Variants in JAKMIP1 observed in about 807,000 individuals in gnomAD.
JAKMIP1 encodes janus kinase and microtubule interacting protein 1.
A neutral mutation model predicts 113.0 loss-of-function variants in JAKMIP1; 33 were observed. That is an observed-to-expected ratio of 0.29 (90% CI 0.22 to 0.39). The LOEUF is 0.39. Ranked by LOEUF, JAKMIP1 falls within the 10% of genes least tolerant of loss-of-function variation. The probability of loss-of-function intolerance (pLI) is 1.00; values close to 1 mark genes in which losing one functional copy is unlikely to be tolerated. For missense variants in JAKMIP1, 813 were observed against 1,080.5 expected (o/e 0.75, Z 3.47); for synonymous variants, 480 against 459.9 (o/e 1.04, Z -0.56).
rs1723096343 is a variant in JAKMIP1, at chr4:6,162,539, T to A, written c.-148+37714A>T. Among the ~76,000 whole-genome samples the A allele has an allele frequency of 6.6e-6, 1 of 152,174 alleles. No individual in the cohort carries two copies. Among genetic ancestry groups the A allele is most frequent in the African/African-American group, 2.4e-5 (1 of 41,448 alleles). On this transcript the variant is annotated intron_variant, in intron 1 of 20. Coordinates refer to ENST00000409021, the MANE Select transcript of JAKMIP1 (RefSeq NM_001099433.2). This position sits in a 1 kb window ranked among gnomAD's most constrained non-coding sequence, Gnocchi z 5.6. ...TTCATTCCAAAAAGAGAATGCAGTA[T>A]TAGTGTTCTGATTAGCAGGTTAACT...
chr4:6,090,677 G>A (rs770011161), intron 3 of JAKMIP1, among the ~76,000 whole-genome samples: 4 of 151,748 alleles, frequency 2.6e-5, no homozygotes, highest in African/African-American at 4.9e-5. Flanking sequence ...AAACTAGAGC[G>A]TCACTGCCCC....
chr4:6,134,192 C>T (rs1489206238), intron 1 of JAKMIP1, among the ~76,000 whole-genome samples: 1 of 152,190 alleles, frequency 6.6e-6, no homozygotes, highest in South Asian at 2.1e-4. Flanking sequence ...TTCACATACT[C>T]GCTGTCTCCC....
At chr4:6,130,911 A>T (rs1718400350) in intron 1 of JAKMIP1, among the ~76,000 whole-genome samples, 1 of 152,096 alleles carries the variant, frequency 6.6e-6, no homozygotes, top group African/African-American at 2.4e-5. Flanking sequence ...CGATGGTTCA[A>T]ACCTATAACC....
chr4:6,038,044 G>A (rs1360301883), intron 18 of JAKMIP1, among the ~76,000 whole-genome samples: 1 of 138,766 alleles, frequency 7.2e-6, no homozygotes, highest in African/African-American at 3.0e-5. Context: ...CCAAGGCAGA[G>A]GCTAACCAGT....
chr4:6,114,266 A>C (rs1268308124), intron 1 of JAKMIP1, among the ~76,000 whole-genome samples: 1 of 152,184 alleles, frequency 6.6e-6, no homozygotes. Context: ...GGACAGAAGG[A>C]GAGAAAGCAC....
chr4:6,079,583 G>A (rs1053839563), intron 7 of JAKMIP1, among the ~76,000 whole-genome samples: 1 of 152,194 alleles, frequency 6.6e-6, no homozygotes, highest in Non-Finnish European at 1.5e-5. Flanking sequence ...CCCTGCAGGT[G>A]TTCTCTGCCT....
chr4:6,070,650 G>A (rs533234003), intron 8 of JAKMIP1, among the ~76,000 whole-genome samples: 12 of 152,230 alleles, frequency 7.9e-5, no homozygotes, highest in South Asian at 4.1e-4. Flanking sequence ...GCAACGCCAC[G>A]ATAGATTCTC....
At position 6,115,718 on chromosome 4, in the gene JAKMIP1, G is replaced by GT. The variant is rs549454461; in HGVS notation, c.-147-2722dup. On this transcript the variant is annotated intron_variant, in intron 1 of 20. Transcript: ENST00000409021. ...CAGTGCAGTTTTTTCGTTTTGTTTT[G>GT]TTTTTTAAGAAAGGCAAGAAAAATA... 3.0e-4 allele frequency among the ~76,000 whole-genome samples: 46 copies of GT among 152,284 alleles called. No individual in the cohort carries two copies. The East Asian group carries it at 8.7e-3, about 29-fold the overall frequency.
At chr4:6,074,301 G>A (rs1458588695) in intron 8 of JAKMIP1, among the ~76,000 whole-genome samples, 1 of 152,228 alleles carries the variant, frequency 6.6e-6, no homozygotes, top group Non-Finnish European at 1.5e-5. Flanking sequence ...GGAGTGGACT[G>A]GAGGCACCCT....
At chr4:6,145,490 C>T (rs1465562625) in intron 1 of JAKMIP1, among the ~76,000 whole-genome samples, 1 of 8,686 alleles carries the variant, frequency 1.2e-4, no homozygotes, top group Non-Finnish European at 3.2e-3. Flanking sequence ...AATATCCATA[C>T]CTAAAAAAAA....
intron 1 of JAKMIP1, among the ~76,000 whole-genome samples, chr4:6,123,318 C>T (rs959574299): frequency 2.6e-5 from 4 of 152,168 alleles, no homozygotes; most frequent in East Asian, 3.9e-4. Context: ...AGGATTTTCA[C>T]GTAATCCTAG....
rs753378183 is a variant in JAKMIP1, at chr4:6,105,899, C to T, written c.198G>A (p.Thr66=). 6.2e-6 allele frequency: 10 copies of T among 1,611,494 alleles called. No individual in the cohort carries two copies. Among genetic ancestry groups the T allele is most frequent in the Admixed American group, 1.7e-5 (1 of 59,964 alleles). Reference sequence around the variant, plus strand: ...TGGCCTTGAGCTCCGAAATGTAGGCCGTGTGCCGTCGCTGCTCCTGCTCGC... The same window carrying T: ...TGGCCTTGAGCTCCGAAATGTAGGCTGTGTGCCGTCGCTGCTCCTGCTCGC... ...LEREQEQRRH[T]AYISELKAKL... is the part of the protein sequence containing the mutation. The change falls in exon 3 of 21, where the codon ACG becomes ACA. Residue 66 remains threonine (T), a synonymous_variant. Transcript: ENST00000409021.
rs145275727 is a variant in JAKMIP1 at position 6,070,458 on chromosome 4, G to T, written c.1303-5450C>A. Among the ~76,000 whole-genome samples, 51 of 152,380 alleles carry T rather than the reference G, an allele frequency of 3.3e-4. 1 individual carries two copies. The highest frequency in any genetic ancestry group is 1.4e-3 in the South Asian group (7 of 4,832). On this transcript the variant is annotated intron_variant, in intron 8 of 20. Coordinates refer to ENST00000409021, the MANE Select transcript of JAKMIP1 (RefSeq NM_001099433.2). Reference sequence around the variant, plus strand: ...CCACGCCAACCGCGGGCTGAAGGGAGAGGTTTCCAGGGGCGGGATAGGGTG... The same window carrying T: ...CCACGCCAACCGCGGGCTGAAGGGATAGGTTTCCAGGGGCGGGATAGGGTG...
In JAKMIP1 at chr4:6,042,585, G is replaced by A. The variant is rs552425890; in HGVS notation, c.2029-358C>T. 6.6e-6 allele frequency among the ~76,000 whole-genome samples: 1 copy of A among 152,076 alleles called. No individual in the cohort carries two copies. The highest frequency in any genetic ancestry group is 2.1e-4 in the South Asian group (1 of 4,804). ...CTCTGTGCTGATGCTTCACACAGGA[G>A]ACCTCATCTGACTCTCTTACGACCA... On this transcript the variant is annotated intron_variant, in intron 16 of 20. Coordinates refer to ENST00000409021, the MANE Select transcript of JAKMIP1 (RefSeq NM_001099433.2). The surrounding 1 kb of genome is among the most constrained non-coding windows in gnomAD (Gnocchi z 5.2).
chr4:6,039,976 T>G (rs549703739), intron 18 of JAKMIP1, among the ~76,000 whole-genome samples: 25 of 152,342 alleles, frequency 1.6e-4, no homozygotes, highest in African/African-American at 6.0e-4. Context: ...TGTACCACGC[T>G]AGCTTCTTCC....
rs923319701 is a variant in JAKMIP1, at chr4:6,156,041, T to C, written c.-147-43044A>G. Among the ~76,000 whole-genome samples the C allele has an allele frequency of 2.6e-5, 4 of 152,220 alleles. No homozygotes were observed. The highest frequency in any genetic ancestry group is 9.7e-5 in the African/African-American group (4 of 41,446). On this transcript the variant is annotated intron_variant, in intron 1 of 20. Coordinates refer to ENST00000409021, the MANE Select transcript of JAKMIP1 (RefSeq NM_001099433.2). This position sits in a 1 kb window ranked among gnomAD's most constrained non-coding sequence, Gnocchi z 5.0. ...GAACAGTGCCCAGCACAATAATGGA[T>C]CTTCAAGAAATATTTGGTGATCCAG...
At chr4:6,166,317 C>CTT (rs1213266738) in intron 1 of JAKMIP1, among the ~76,000 whole-genome samples, 25 of 152,356 alleles carry the variant, frequency 1.6e-4, no homozygotes, top group African/African-American at 6.0e-4. Context: ...GGCCAGGAGC[C>CTT]TGCCTGAAGG....
chr4:6,068,106 G>A (rs933779677), intron 8 of JAKMIP1, among the ~76,000 whole-genome samples: 5 of 152,188 alleles, frequency 3.3e-5, no homozygotes, highest in African/African-American at 1.2e-4. Context: ...CACTGTGAAG[G>A]CTCTGCAGGA....
intron 5 of JAKMIP1, among the ~76,000 whole-genome samples, chr4:6,082,940 T>C (rs887700680): frequency 1.3e-5 from 2 of 151,750 alleles, no homozygotes; most frequent in Non-Finnish European, 2.9e-5. Flanking sequence ...AGTGATGTAA[T>C]TGATCAATGA....
Sources: gnomAD v4.1 joint callset for allele counts (sites outside exome capture counted in the v4.1 genomes callset) on GRCh38, gnomAD v4.1.1 for gene constraint, Gnocchi (gnomAD v3.1) non-coding constraint, MANE v1.5 for transcripts, NCBI Gene and HGNC (gene_info 2026-07-23, HGNC 2026-07-21) for gene names.